The following ZCCHC7 variants were observed in gnomAD, a reference collection of about 807,000 sequenced individuals.
ZCCHC7 encodes the protein zinc finger CCHC domain-containing protein 7.
Under a neutral mutation model 52.0 loss-of-function variants are expected in ZCCHC7, and 35 were observed. The observed-to-expected ratio is 0.67, with a 90% CI of 0.51 to 0.89. ZCCHC7 has a LOEUF of 0.89. Among genes scored for constraint, ZCCHC7 ranks in the 40% least tolerant of loss-of-function variants. ZCCHC7 has a pLI of 0.00. For missense variants in ZCCHC7, 574 were observed against 649.1 expected, an observed-to-expected ratio of 0.88 and a Z score of 1.26; for synonymous variants, 217 against 221.5, an observed-to-expected ratio of 0.98 and a Z score of 0.18.
intron 2 of ZCCHC7, among the ~76,000 whole-genome samples, chr9:37,219,882 A>G (rs963987295): frequency 6.6e-5 from 10 of 152,150 alleles, no homozygotes; most frequent in Non-Finnish European, 1.0e-4. Context: ...TCTGAAGACT[A>G]GGCAGAATTT....
chr9:37,235,518 TCCCCTCCCTTCCCCTCC>T (rs1825604472), intron 2 of ZCCHC7, among the ~76,000 whole-genome samples: 2 of 79,380 alleles, frequency 2.5e-5, no homozygotes, highest in Non-Finnish European at 5.1e-5. Flanking sequence ...CCTTCCCCTC[TCCCCTCCCTTCCCCTCC>T]CCCCTCCCCT....
intron 2 of ZCCHC7, among the ~76,000 whole-genome samples, chr9:37,275,372 A>G (rs751702742): frequency 1.0e-4 from 15 of 146,772 alleles, no homozygotes; most frequent in Non-Finnish European, 2.1e-4. Flanking sequence ...AGGAGATATA[A>G]TTTTGTATAC....
At chr9:37,227,412 C>A (rs1825168587) in intron 2 of ZCCHC7, among the ~76,000 whole-genome samples, 1 of 152,168 alleles carries the variant, frequency 6.6e-6, no homozygotes, top group South Asian at 2.1e-4. Flanking sequence ...TGAGATACTG[C>A]TCTTGTCCAC....
intron 2 of ZCCHC7, among the ~76,000 whole-genome samples, chr9:37,298,829 C>T (rs1166829807): frequency 1.3e-5 from 2 of 152,118 alleles, no homozygotes; most frequent in Non-Finnish European, 2.9e-5. Flanking sequence ...TCCTTCTCTC[C>T]CTAAAATTGA....
At chr9:37,302,494 A>C (rs573367747) in intron 3 of ZCCHC7, among the ~76,000 whole-genome samples, 4 of 152,312 alleles carry the variant, frequency 2.6e-5, no homozygotes, top group Non-Finnish European at 5.9e-5. Flanking sequence ...TGGTACCACT[A>C]AAAAGATCAA....
chr9:37,181,815 C>T (rs1453480781), intron 2 of ZCCHC7, among the ~76,000 whole-genome samples: 1 of 152,096 alleles, frequency 6.6e-6, no homozygotes, highest in Non-Finnish European at 1.5e-5. Flanking sequence ...AAAATACTTG[C>T]ACATTTCAAA....
chr9:37,343,447 TTTCA>T (rs1432511706), intron 6 of ZCCHC7, among the ~76,000 whole-genome samples: 39 of 152,214 alleles, frequency 2.6e-4, no homozygotes, highest in African/African-American at 9.4e-4. Flanking sequence ...ATATTTGCTC[TTTCA>T]TCTATTATCT....
intron 5 of ZCCHC7, among the ~76,000 whole-genome samples, chr9:37,311,783 GTTTAT>G (rs904801624): frequency 2.0e-5 from 3 of 152,162 alleles, no homozygotes; most frequent in Non-Finnish European, 2.9e-5. Context: ...CAGTGCAAAA[GTTTAT>G]TTTAAGGAGA....
At chr9:37,188,601 C>G (rs1289314895) in intron 2 of ZCCHC7, among the ~76,000 whole-genome samples, 1 of 51,066 alleles carries the variant, frequency 2.0e-5, no homozygotes, top group African/African-American at 8.6e-5. Flanking sequence ...CCCATCTCAC[C>G]TCCCTTCCCT....
At position 37,126,892 on chromosome 9, in the gene ZCCHC7, A is replaced by T. The variant is rs367643903; in HGVS notation, c.560A>T (p.Asp187Val). ...MLLGCEVDDK[D>V]DDILLNLVGC... is the part of the protein sequence containing the mutation. ...CTGGGATGTGAAGTAGATGATAAAG[A>T]TGATGATATCCTTCTCAACCTTGTG... Residue 187 changes from aspartate to valine, a missense_variant, in exon 2 of 9, where the codon GAT (aspartate) becomes GTT (valine). This residue lies in a region of ZCCHC7 where 403 missense variants were observed against 461.2 expected (regional missense o/e 0.87). Coordinates refer to ENST00000336755, the MANE Select transcript of ZCCHC7 (RefSeq NM_032226.3). The T allele has an allele frequency of 1.9e-6, 3 of 1,614,032 alleles. No homozygotes were observed. The African/African-American group carries it at 4.0e-5, about 22-fold the overall frequency.
chr9:37,130,007 G>C (rs1344977704), intron 2 of ZCCHC7, among the ~76,000 whole-genome samples: 1 of 152,194 alleles, frequency 6.6e-6, no homozygotes, highest in East Asian at 1.9e-4. Flanking sequence ...GAGAGGCCGA[G>C]GCGGGTGGAT....
chr9:37,255,093 T>C (rs2133414925), intron 2 of ZCCHC7, among the ~76,000 whole-genome samples: 1 of 152,118 alleles, frequency 6.6e-6, no homozygotes, highest in Non-Finnish European at 1.5e-5. Context: ...CTGAACCCTG[T>C]ATGCATTGTT....
chr9:37,132,547 C>T (rs1160913331), intron 2 of ZCCHC7, among the ~76,000 whole-genome samples: 1 of 152,264 alleles, frequency 6.6e-6, no homozygotes, highest in East Asian at 1.9e-4. Flanking sequence ...TGTGTATACA[C>T]ATCATGTGTG....
chr9:37,262,358 G>T (rs1826906928), intron 2 of ZCCHC7, among the ~76,000 whole-genome samples: 2 of 151,940 alleles, frequency 1.3e-5, no homozygotes, highest in African/African-American at 4.8e-5. Flanking sequence ...TTTATCTGAG[G>T]GGGCAGGAAC....
intron 2 of ZCCHC7, among the ~76,000 whole-genome samples, chr9:37,203,853 G>A (rs1265360860): frequency 6.6e-6 from 1 of 152,102 alleles, no homozygotes; most frequent in East Asian, 1.9e-4. Context: ...AAATGGTATT[G>A]CTGGTTCTAG....
intron 6 of ZCCHC7, among the ~76,000 whole-genome samples, chr9:37,329,651 T>G (rs1830379127): frequency 6.6e-6 from 1 of 151,846 alleles, no homozygotes; most frequent in Non-Finnish European, 1.5e-5. Flanking sequence ...GTTAAGTAAT[T>G]ATTTAAATTA....
At chr9:37,321,554 A>G (rs1830055782) in intron 5 of ZCCHC7, among the ~76,000 whole-genome samples, 2 of 151,988 alleles carry the variant, frequency 1.3e-5, no homozygotes, top group Admixed American at 1.3e-4. Flanking sequence ...GCCTGGGGCC[A>G]GGAGTTTGAG....
intron 2 of ZCCHC7, among the ~76,000 whole-genome samples, chr9:37,213,644 G>A (rs17487601): frequency 0.32 from 49,389 of 151,994 alleles, 8,366 homozygotes; most frequent in Middle Eastern, 0.4. Context: ...AAGGCAGATG[G>A]TATAAGAATA....
chr9:37,218,866 TAGAG>T (rs1824659647), intron 2 of ZCCHC7, among the ~76,000 whole-genome samples: 1 of 151,450 alleles, frequency 6.6e-6, no homozygotes, highest in Admixed American at 6.6e-5. Context: ...AAGAAGGTGT[TAGAG>T]AGGGGAACGT....
Sources: gnomAD v4.1 joint callset for allele counts (sites outside exome capture counted in the v4.1 genomes callset) on GRCh38, gnomAD v4.1.1 for gene constraint, gnomAD v4.1.1 regional missense constraint, MANE v1.5 for transcripts, NCBI Gene and HGNC (gene_info 2026-07-23, HGNC 2026-07-21) for gene names.